Variants in ACSM1 observed in about 807,000 individuals in gnomAD.
The protein encoded by ACSM1 is acyl-CoA synthetase medium chain family member 1, also known as acyl-coenzyme A synthetase ACSM1, mitochondrial.
In ACSM1, 79 loss-of-function variants were observed where a neutral mutation model predicts 75.8. The observed-to-expected ratio is 1.04, with a 90% confidence interval of 0.87 to 1.26. The LOEUF is 1.26. ACSM1 is among the 50% of genes most tolerant of loss of function. The pLI, the probability that ACSM1 is intolerant of heterozygous loss-of-function variation, is 0.00. For missense variants in ACSM1, 676 were observed against 720.1 expected (o/e 0.94, Z 0.70); for synonymous variants, 279 against 265.8 (o/e 1.05, Z -0.48).
rs868272368 is a variant in ACSM1, at chr16:20,633,227, T to C, written c.1299+3512A>G. ...TGGAAAGATGAAGTAAAATTATCTC[T>C]GCATGCAGATGGCATGACCATATAT... On this transcript the variant is annotated intron_variant, in intron 10 of 13. Transcript: ENST00000520010. Among the ~76,000 whole-genome samples, 116 of 152,294 alleles carry C rather than the reference T, an allele frequency of 7.6e-4. 1 individual carries two copies. The Middle Eastern group carries it at 0.02, about 27-fold the overall frequency.
intron 1 of ACSM1, among the ~76,000 whole-genome samples, chr16:20,696,226 G>A (rs999502514): frequency 3.3e-5 from 5 of 152,134 alleles, no homozygotes; most frequent in Admixed American, 6.5e-5. Flanking sequence ...TTTCTCAGAC[G>A]TATCTTGGTT....
rs772214028 is a variant in ACSM1 at position 20,661,811 on chromosome 16, C to T, written c.975G>A (p.Leu325=). ...WGVSSIYRMI[L]QQDFTSIRFP... is the part of the protein sequence containing the mutation. ...TACCATACCTGGTGAAATCCTGCTG[C>T]AGAATCATTCGATATATAGATGATA... Residue 325 remains leucine, a synonymous_variant, in exon 7 of 14, where the codon CTG becomes CTA. Coordinates refer to ENST00000520010, the MANE Select transcript of ACSM1 (RefSeq NM_001318890.3). The T allele has an allele frequency of 2.5e-6, 4 of 1,609,680 alleles. No homozygotes were observed. The highest frequency in any genetic ancestry group is 1.3e-5 in the African/African-American group (1 of 74,792).
At chr16:20,624,698 A>C (rs988859394) in intron 12 of ACSM1, among the ~76,000 whole-genome samples, 11 of 152,100 alleles carry the variant, frequency 7.2e-5, no homozygotes, top group Middle Eastern at 3.2e-3. Context: ...TGATTAATAA[A>C]GACTTTTTTT....
Position 20,671,622 on chromosome 16 carries a change from T to C in ACSM1, c.661A>G (p.Met221Val), listed in dbSNP as rs139046850. 13 of 1,613,434 alleles carry C rather than the reference T, an allele frequency of 8.1e-6. No homozygotes were observed. The highest frequency in any genetic ancestry group is 8.0e-5 in the African/African-American group (6 of 74,886). Residue 221 changes from methionine to valine, a missense_variant, in exon 5 of 14, where the codon ATG (methionine) becomes GTG (valine). Coordinates refer to ENST00000520010, the MANE Select transcript of ACSM1 (RefSeq NM_001318890.3). ...TCVKSKTLDPMVIFFTSGTTG... is the reference protein window; with the variant it reads ...TCVKSKTLDPVVIFFTSGTTG... ...GTCCCACTGGTGAAGAAGATGACCA[T>C]TGGGTCCAAGGTCTTTGACTTAACA... is the stretch of plus-strand genomic sequence containing the variant.
At chr16:20,671,929 T>A (rs1291629222) in intron 4 of ACSM1, among the ~76,000 whole-genome samples, 1 of 152,184 alleles carries the variant, frequency 6.6e-6, no homozygotes, top group African/African-American at 2.4e-5. Flanking sequence ...AAGTAATGAA[T>A]CTTAAGTAAT....
chr16:20,693,111 A>C (rs1461587327), intron 1 of ACSM1, among the ~76,000 whole-genome samples: 1 of 151,800 alleles, frequency 6.6e-6, no homozygotes, highest in Non-Finnish European at 1.5e-5. Context: ...CGGAGGTTGC[A>C]GTGAGCCGAG....
chr16:20,678,841 C>T (rs1172530250), intron 4 of ACSM1, among the ~76,000 whole-genome samples: 1 of 152,184 alleles, frequency 6.6e-6, no homozygotes, highest in African/African-American at 2.4e-5. Flanking sequence ...AGGTCTTGCC[C>T]ATGGTCCTCC....
intron 10 of ACSM1, among the ~76,000 whole-genome samples, chr16:20,635,885 C>T (rs2017678255): frequency 1.3e-5 from 2 of 152,136 alleles, no homozygotes; most frequent in Admixed American, 6.6e-5. Context: ...GTGATCCACC[C>T]ACCTAGGCTT....
At chr16:20,654,113 C>T (rs1053346787) in intron 7 of ACSM1, among the ~76,000 whole-genome samples, 2 of 152,132 alleles carry the variant, frequency 1.3e-5, no homozygotes, top group African/African-American at 4.8e-5. Flanking sequence ...CATCTACAAC[C>T]ATCTGATCTT....
intron 10 of ACSM1, among the ~76,000 whole-genome samples, chr16:20,632,700 T>C (rs987365588): frequency 2.0e-5 from 3 of 152,204 alleles, no homozygotes; most frequent in Non-Finnish European, 4.4e-5. Flanking sequence ...AGGCCAGCAT[T>C]ACCCTGACAC....
intron 6 of ACSM1, among the ~76,000 whole-genome samples, chr16:20,666,802 G>C (rs1408104820): frequency 6.6e-6 from 1 of 151,934 alleles, no homozygotes; most frequent in Non-Finnish European, 1.5e-5. Flanking sequence ...CACAGCTATA[G>C]CCATATGGTC....
intron 6 of ACSM1, among the ~76,000 whole-genome samples, chr16:20,669,509 C>T (rs758512073): frequency 5.9e-5 from 9 of 151,384 alleles, no homozygotes; most frequent in Non-Finnish European, 1.3e-4. Flanking sequence ...CTGGCAGCAT[C>T]AGGGTCCAGG....
At chr16:20,685,847 C>CAAAAA (rs1491230287) in intron 2 of ACSM1, among the ~76,000 whole-genome samples, 4 of 91,032 alleles carry the variant, frequency 4.4e-5, no homozygotes, top group Non-Finnish European at 8.7e-5. Flanking sequence ...AAAAAAAAAA[C>CAAAAA]AAAAAACTTA....
chr16:20,664,147 G>GTATGTATTTATTTATT (rs143982261), intron 6 of ACSM1, among the ~76,000 whole-genome samples: 13 of 145,606 alleles, frequency 8.9e-5, no homozygotes, highest in African/African-American at 3.0e-4. Flanking sequence ...AAATTGAATA[G>GTATGTATTTATTTATT]TATTTATTTA....
intron 8 of ACSM1, 110 bp downstream of exon 8, chr16:20,640,351 T>C (rs1276730300): frequency 7.8e-7 from 1 of 1,274,308 alleles, no homozygotes; most frequent in Non-Finnish European, 1.1e-6. Context: ...AAATCATCTT[T>C]GGGGAAAGGC....
At chr16:20,670,219 C>T (rs979324923) in intron 5 of ACSM1, among the ~76,000 whole-genome samples, 5 of 152,178 alleles carry the variant, frequency 3.3e-5, no homozygotes, top group African/African-American at 1.2e-4. Flanking sequence ...TGATTCTCCT[C>T]CAGTGTTCTC....
In ACSM1 at chr16:20,629,115, T is replaced by G. The variant is rs144465857; in HGVS notation, c.1300-1799A>C. ...GAAGACATGCTTCAGGATCAGAGCT[T>G]CCAATGAGAATAGGATTTAGGGAGA... On this transcript the variant is annotated intron_variant, in intron 10 of 13. Transcript: ENST00000520010. 4.8e-3 allele frequency among the ~76,000 whole-genome samples: 731 copies of G among 152,320 alleles called. 18 individuals are homozygous for G. The highest frequency in any genetic ancestry group is 0.043 in the Admixed American group (655 of 15,294).
intron 11 of ACSM1, among the ~76,000 whole-genome samples, chr16:20,626,372 T>A (rs189249655): frequency 0.033 from 5,052 of 151,220 alleles, 261 homozygotes; most frequent in African/African-American, 0.12. Context: ...AAATAAAAAA[T>A]AAAATAAAAA....
At chr16:20,674,219 C>T (rs2020130316) in intron 4 of ACSM1, 14 of 322,320 alleles carry the variant, frequency 4.3e-5, no homozygotes, top group South Asian at 3.3e-4. Flanking sequence ...AAATTAACTG[C>T]CTGTTTCTCT....
Sources: allele counts gnomAD v4.1 joint callset (sites outside exome capture counted in the v4.1 genomes callset), GRCh38; gene constraint gnomAD v4.1.1; transcripts MANE v1.5; gene names NCBI Gene and HGNC (gene_info 2026-07-23, HGNC 2026-07-21).